ZBTB20: variants seen among roughly 807,000 people sequenced by gnomAD.
ZBTB20 encodes zinc finger and BTB domain-containing protein 20.
In ZBTB20, 9 loss-of-function variants were observed where a neutral mutation model predicts 56.9. The observed-to-expected ratio is 0.16, with a 90% CI of 0.10 to 0.28. The LOEUF (loss-of-function observed/expected upper bound fraction) is 0.28, where lower values mean the gene tolerates loss of function less well. Ranked by LOEUF, ZBTB20 falls within the 10% of genes least tolerant of loss-of-function variation. The pLI is 1.00. For synonymous variants in ZBTB20, 417 were observed against 420.7 expected (o/e 0.99, Z 0.11); for missense variants, 655 against 1,003.0 (o/e 0.65, Z 4.69).
At chr3:114,600,877 T>G (rs569906286) in intron 6 of ZBTB20, among the ~76,000 whole-genome samples, 1 of 152,092 alleles carries the variant, frequency 6.6e-6, no homozygotes, top group African/African-American at 2.4e-5. Flanking sequence ...ATTTACACAA[T>G]TCACTTCATA....
chr3:114,516,616 A>AG (rs2046025584), intron 6 of ZBTB20, among the ~76,000 whole-genome samples: 1 of 152,220 alleles, frequency 6.6e-6, no homozygotes, highest in Non-Finnish European at 1.5e-5. Flanking sequence ...ATGTGTGAAT[A>AG]GGGTCATTGA....
At chr3:114,976,391 C>T (rs958595219) in intron 2 of ZBTB20, among the ~76,000 whole-genome samples, 1 of 151,998 alleles carries the variant, frequency 6.6e-6, no homozygotes, top group Non-Finnish European at 1.5e-5. Flanking sequence ...TTCGGGAGGC[C>T]GAGGCAGGCG....
At chr3:114,746,122 C>G (rs1389923407) in intron 5 of ZBTB20, among the ~76,000 whole-genome samples, 4 of 152,168 alleles carry the variant, frequency 2.6e-5, no homozygotes, top group Non-Finnish European at 5.9e-5. Flanking sequence ...GATCAGATTG[C>G]CCTGGGCAAT....
At chr3:114,785,675 T>C (rs945354011) in intron 5 of ZBTB20, among the ~76,000 whole-genome samples, 1 of 152,178 alleles carries the variant, frequency 6.6e-6, no homozygotes, top group African/African-American at 2.4e-5. Flanking sequence ...ACACATTTAA[T>C]ATGTACAATG....
intron 3 of ZBTB20, among the ~76,000 whole-genome samples, chr3:114,901,511 A>C (rs1283002687): frequency 6.6e-6 from 1 of 152,158 alleles, no homozygotes; most frequent in Non-Finnish European, 1.5e-5. Context: ...CAAGAACCCA[A>C]AGTTCAATAT....
chr3:114,483,006 G>C (rs1482266197), intron 7 of ZBTB20, among the ~76,000 whole-genome samples: 1 of 152,108 alleles, frequency 6.6e-6, no homozygotes, highest in Non-Finnish European at 1.5e-5. Flanking sequence ...AGGATTTATA[G>C]CAGTACTGGT....
At chr3:114,851,774 T>C (rs1016548898) in intron 4 of ZBTB20, among the ~76,000 whole-genome samples, 2 of 152,158 alleles carry the variant, frequency 1.3e-5, no homozygotes, top group African/African-American at 4.8e-5. Context: ...TTATAATTAT[T>C]TTCTTTCCTG....
intron 6 of ZBTB20, among the ~76,000 whole-genome samples, chr3:114,582,748 A>G (rs2054784492): frequency 6.6e-6 from 1 of 152,232 alleles, no homozygotes; most frequent in Non-Finnish European, 1.5e-5. Flanking sequence ...ACTAGAATTA[A>G]TCGAGGTAAA....
chr3:115,020,084 A>C (rs192183616), intron 2 of ZBTB20, among the ~76,000 whole-genome samples: 1 of 151,200 alleles, frequency 6.6e-6, no homozygotes, highest in Non-Finnish European at 1.5e-5. Context: ...AGAACAAGAC[A>C]TTCCTGGGCA....
chr3:114,657,479 C>T (rs532954360), intron 6 of ZBTB20, among the ~76,000 whole-genome samples: 28 of 152,282 alleles, frequency 1.8e-4, no homozygotes, highest in African/African-American at 6.5e-4. Flanking sequence ...TATAGGCTCC[C>T]ACATACATGC....
rs570953948 is a variant in ZBTB20 at position 114,734,251 on chromosome 3, G to A, written c.-342-40676C>T. ...TTTGCAATTGTGATAAAAATGACAT[G>A]CAAATTTAAATGTATTATATAAATT... On this transcript the variant is annotated intron_variant, in intron 5 of 11. Coordinates refer to ENST00000675478, the MANE Select transcript of ZBTB20 (RefSeq NM_001348800.3). Among the ~76,000 whole-genome samples, 13 of 151,674 alleles carry A rather than the reference G, an allele frequency of 8.6e-5. No individual in the cohort carries two copies. In the South Asian group the frequency reaches 2.5e-3, roughly 29 times the overall value.
At chr3:115,137,997 C>A (rs60459221) in intron 1 of ZBTB20, among the ~76,000 whole-genome samples, 1 of 151,964 alleles carries the variant, frequency 6.6e-6, no homozygotes, top group Non-Finnish European at 1.5e-5. Context: ...CTCTCAGTGA[C>A]CCATATTTAA....
At chr3:114,472,165 T>C (rs1425717952) in intron 7 of ZBTB20, among the ~76,000 whole-genome samples, 3 of 152,190 alleles carry the variant, frequency 2.0e-5, no homozygotes, top group African/African-American at 7.2e-5. Context: ...ACAGACAAAA[T>C]CACTAAAATT....
intron 4 of ZBTB20, among the ~76,000 whole-genome samples, chr3:114,868,620 C>T (rs1445777059): frequency 6.6e-6 from 1 of 152,084 alleles, no homozygotes; most frequent in Non-Finnish European, 1.5e-5. Flanking sequence ...CTTAAATATA[C>T]AAAGAAATGC....
At chr3:114,864,624 T>G (rs2075685289) in intron 4 of ZBTB20, among the ~76,000 whole-genome samples, 1 of 152,140 alleles carries the variant, frequency 6.6e-6, no homozygotes, top group African/African-American at 2.4e-5. Context: ...AACATTTTCA[T>G]ATAATACTAT....
At chr3:114,361,297 G>C (rs1455260820) in intron 10 of ZBTB20, among the ~76,000 whole-genome samples, 1 of 152,026 alleles carries the variant, frequency 6.6e-6, no homozygotes. Flanking sequence ...AGTTATTGTG[G>C]TTTCTCTCCT....
chr3:114,963,417 T>A (rs2077528646), intron 3 of ZBTB20, among the ~76,000 whole-genome samples: 1 of 152,152 alleles, frequency 6.6e-6, no homozygotes, highest in Admixed American at 6.6e-5. Context: ...TAAAGCTGCT[T>A]CTGGAGAACA....
chr3:114,633,668 G>T (rs2107848986), intron 6 of ZBTB20, among the ~76,000 whole-genome samples: 1 of 152,178 alleles, frequency 6.6e-6, no homozygotes, highest in South Asian at 2.1e-4. Flanking sequence ...ACTAAAAGGG[G>T]AATAACTGTC....
intron 5 of ZBTB20, among the ~76,000 whole-genome samples, chr3:114,699,452 G>GA (rs550093843): frequency 7.4e-5 from 11 of 147,716 alleles, no homozygotes; most frequent in Non-Finnish European, 9.0e-5. Context: ...TTTTTTTTTG[G>GA]AAAAAAAAAA....
Sources: gnomAD v4.1 joint callset for allele counts (sites outside exome capture counted in the v4.1 genomes callset) on GRCh38, gnomAD v4.1.1 for gene constraint, MANE v1.5 for transcripts, NCBI Gene and HGNC (gene_info 2026-07-23, HGNC 2026-07-21) for gene names.